The following CHN2 variants were observed in gnomAD, a reference collection of about 807,000 sequenced individuals.
The protein encoded by CHN2 is beta-chimaerin.
In CHN2, 35 loss-of-function variants were observed where a neutral mutation model predicts 56.3. That is an observed-to-expected ratio of 0.62 (90% CI 0.47 to 0.82). The LOEUF (loss-of-function observed/expected upper bound fraction) is 0.82, where lower values mean the gene tolerates loss of function less well. Among genes scored for constraint, CHN2 ranks in the 40% least tolerant of loss-of-function variants. CHN2 has a pLI of 0.00. For missense variants in CHN2, 491 were observed against 580.5 expected, an observed-to-expected ratio of 0.85 and a Z score of 1.58; for synonymous variants, 210 against 212.8, an observed-to-expected ratio of 0.99 and a Z score of 0.12.
chr7:29,485,679 C>T (rs138794443), intron 7 of CHN2, among the ~76,000 whole-genome samples: 1 of 152,118 alleles, frequency 6.6e-6, no homozygotes, highest in Non-Finnish European at 1.5e-5. Flanking sequence ...GTGCCAGGAG[C>T]GAATAAGGTG....
At chr7:29,230,584 G>A (rs909746335) in intron 1 of CHN2, among the ~76,000 whole-genome samples, 1 of 152,090 alleles carries the variant, frequency 6.6e-6, no homozygotes, top group Non-Finnish European at 1.5e-5. Context: ...TAAGTGATCT[G>A]CCTGCTTCAG....
rs1209578890 is a variant in CHN2 at position 29,239,147 on chromosome 7, C to T, written c.49+44157C>T. Among the ~76,000 whole-genome samples the T allele has an allele frequency of 2.0e-5, 3 of 152,116 alleles. No homozygotes were observed. In the East Asian group the frequency reaches 5.8e-4, roughly 29 times the overall value. The stretch of plus-strand genomic sequence containing the variant: ...ATTTAGGGGACTGTTCCAATAATCT[C>T]AAAGGGAGATGATTGCTCAGGCCAG... On this transcript the variant is annotated intron_variant, in intron 1 of 12. Coordinates refer to ENST00000222792, the MANE Select transcript of CHN2 (RefSeq NM_004067.4).
At chr7:29,155,968 G>C (rs569702879) in intron 2 of CHN2, among the ~76,000 whole-genome samples, 1 of 152,328 alleles carries the variant, frequency 6.6e-6, no homozygotes, top group Non-Finnish European at 1.5e-5. Flanking sequence ...AGCCTAGCCA[G>C]CTGTGCCCCT....
chr7:29,370,027 G>C (rs1585181871), intron 3 of CHN2, among the ~76,000 whole-genome samples: 2 of 152,160 alleles, frequency 1.3e-5, no homozygotes, highest in East Asian at 3.9e-4. Context: ...AGGCAGCATG[G>C]GGCCCATCTA....
At chr7:29,491,103 A>G (rs1012854010) in intron 7 of CHN2, among the ~76,000 whole-genome samples, 2 of 152,066 alleles carry the variant, frequency 1.3e-5, no homozygotes, top group Admixed American at 6.6e-5. Flanking sequence ...ATAAATCTCT[A>G]TTATCTCTAT....
intron 2 of CHN2, among the ~76,000 whole-genome samples, chr7:29,156,278 T>A (rs1794360454): frequency 6.6e-6 from 1 of 152,234 alleles, no homozygotes; most frequent in South Asian, 2.1e-4. Context: ...CATCTTAGTA[T>A]TGGGATCTGT....
intron 1 of CHN2, among the ~76,000 whole-genome samples, chr7:29,207,334 C>T (rs912204208): frequency 7.9e-5 from 12 of 152,060 alleles, no homozygotes; most frequent in Non-Finnish European, 1.3e-4. Context: ...TTTTCATTTC[C>T]ACATTCATCT....
At chr7:29,279,308 C>T (rs377250925) in intron 1 of CHN2, among the ~76,000 whole-genome samples, 314 of 152,326 alleles carry the variant, frequency 2.1e-3, no homozygotes, top group Non-Finnish European at 3.9e-3. Flanking sequence ...ATCCCTCACG[C>T]GGCAGCTGTC....
chr7:29,192,457 T>TA (rs1198094472), upstream of CHN2: 2 of 152,252 alleles, frequency 1.3e-5, no homozygotes, highest in Non-Finnish European at 2.9e-5. Context: ...TGAAACCTGT[T>TA]ACCCTATTGC....
At chr7:29,422,003 T>G (rs1804392975) in intron 6 of CHN2, among the ~76,000 whole-genome samples, 1 of 151,446 alleles carries the variant, frequency 6.6e-6, no homozygotes, top group African/African-American at 2.4e-5. Flanking sequence ...TGGGTATATT[T>G]TTATGCCACA....
chr7:29,321,637 C>G (rs1795368797), intron 1 of CHN2, among the ~76,000 whole-genome samples: 1 of 145,104 alleles, frequency 6.9e-6, no homozygotes, highest in South Asian at 2.2e-4. Context: ...ATGGCACAAT[C>G]TCGGCTCACC....
At chr7:29,286,307 C>T (rs1219411390) in intron 1 of CHN2, among the ~76,000 whole-genome samples, 1 of 151,452 alleles carries the variant, frequency 6.6e-6, no homozygotes, top group African/African-American at 2.4e-5. Flanking sequence ...ATGACTGTGG[C>T]AGGCCTCATC....
At position 29,358,078 on chromosome 7, in the gene CHN2, G is replaced by A. The variant is rs541740915; in HGVS notation, c.88+3415G>A. On this transcript the variant is annotated intron_variant, in intron 2 of 12. Transcript: ENST00000222792. ...CTAGAGACAGTATATTTTTGCCATA[G>A]CATAGGACTTGGTTTAAAAATTTAT... Among the ~76,000 whole-genome samples the A allele has an allele frequency of 4.6e-5, 7 of 152,214 alleles. No homozygotes were observed. The East Asian group carries it at 1.4e-3, about 29-fold the overall frequency.
chr7:29,497,585 A>C (rs1583408307), intron 8 of CHN2, among the ~76,000 whole-genome samples: 1 of 151,844 alleles, frequency 6.6e-6, no homozygotes, highest in African/African-American at 2.4e-5. Context: ...AGCAGCAGGG[A>C]GGCTAAAAAC....
chr7:29,456,268 C>T (rs532088743), intron 6 of CHN2, among the ~76,000 whole-genome samples: 1 of 152,296 alleles, frequency 6.6e-6, no homozygotes, highest in East Asian at 1.9e-4. Flanking sequence ...TTTACTACAG[C>T]CTGTTTCACA....
chr7:29,349,796 G>A (rs1042617181), intron 1 of CHN2, among the ~76,000 whole-genome samples: 6 of 152,002 alleles, frequency 3.9e-5, no homozygotes, highest in Admixed American at 3.3e-4. Context: ...TGTCTTCTGC[G>A]TTCAAGGATA....
chr7:29,166,379 G>T (rs1466463817), intron 2 of CHN2, among the ~76,000 whole-genome samples: 2 of 152,128 alleles, frequency 1.3e-5, no homozygotes, highest in Non-Finnish European at 2.9e-5. Context: ...GTTTTGTGTA[G>T]AATTGATATT....
At chr7:29,185,494 G>C (rs915111237) in intron 2 of CHN2, 1 of 151,946 alleles carries the variant, frequency 6.6e-6, no homozygotes, top group African/African-American at 2.4e-5. Context: ...CAAAAACATG[G>C]AGCAACATTA....
chr7:29,202,166 C>T (rs1784208599), intron 1 of CHN2, among the ~76,000 whole-genome samples: 1 of 152,128 alleles, frequency 6.6e-6, no homozygotes, highest in African/African-American at 2.4e-5. Flanking sequence ...CCTTTAAAGA[C>T]ATCGTAAGGA....
Sources: gnomAD v4.1 joint callset for allele counts (sites outside exome capture counted in the v4.1 genomes callset) on GRCh38, gnomAD v4.1.1 for gene constraint, MANE v1.5 for transcripts, NCBI Gene and HGNC (gene_info 2026-07-23, HGNC 2026-07-21) for gene names.